MCC: variants seen among roughly 807,000 people sequenced by gnomAD.
MCC encodes the protein colorectal mutant cancer protein.
MCC carries 90 observed loss-of-function variants against 116.2 expected under a neutral mutation model. That is an observed-to-expected ratio of 0.77 (90% CI 0.65 to 0.92). The LOEUF (loss-of-function observed/expected upper bound fraction) is 0.92, where lower values mean the gene tolerates loss of function less well. MCC is among the 40% of genes least tolerant of loss of function. The probability of loss-of-function intolerance (pLI) is 0.00; values close to 1 mark genes in which losing one functional copy is unlikely to be tolerated. For missense variants in MCC, 1,516 were observed against 1,312.2 expected, an observed-to-expected ratio of 1.16 and a Z score of -2.40; for synonymous variants, 578 against 510.5, an observed-to-expected ratio of 1.13 and a Z score of -1.78.
In MCC at chr5:113,107,816, C is replaced by A. The variant is rs144239533; in HGVS notation, c.1028-3461G>T. Among the ~76,000 whole-genome samples the A allele has an allele frequency of 1.7e-3, 256 of 152,252 alleles. 1 individual carries two copies. Among genetic ancestry groups the A allele is most frequent in the African/African-American group, 5.9e-3 (246 of 41,538 alleles). On this transcript the variant is annotated intron_variant, in intron 6 of 18. Coordinates refer to ENST00000408903, the MANE Select transcript of MCC (RefSeq NM_001085377.2). Reference sequence around the variant, plus strand: ...TGCTGAGGGGCTCTCACAGCAGAGCCGGAGTGGTGGCAACAGGCTGCTTCC... The same window carrying A: ...TGCTGAGGGGCTCTCACAGCAGAGCAGGAGTGGTGGCAACAGGCTGCTTCC...
At chr5:113,475,357 T>C (rs552180637) in intron 1 of MCC, among the ~76,000 whole-genome samples, 1 of 152,350 alleles carries the variant, frequency 6.6e-6, no homozygotes, top group Non-Finnish European at 1.5e-5. Flanking sequence ...TATTAGTCAA[T>C]CTAGAAACTT....
At chr5:113,221,908 A>G (rs772326551) in intron 3 of MCC, among the ~76,000 whole-genome samples, 22 of 151,774 alleles carry the variant, frequency 1.4e-4, no homozygotes, top group Non-Finnish European at 2.1e-4. Context: ...TGCATGAATT[A>G]CTCTTTCTCT....
At chr5:113,077,456 C>G (rs187931447) in intron 11 of MCC, among the ~76,000 whole-genome samples, 1 of 152,196 alleles carries the variant, frequency 6.6e-6, no homozygotes, top group Admixed American at 6.5e-5. Context: ...AACAAACTGT[C>G]TCTCAGAACA....
intron 11 of MCC, among the ~76,000 whole-genome samples, chr5:113,075,608 C>A (rs919298074): frequency 3.9e-5 from 6 of 152,182 alleles, no homozygotes; most frequent in Admixed American, 2.0e-4. Context: ...CAGTCAGCAC[C>A]CTGTCAAAAC....
At chr5:113,148,985 C>A (rs1424510487) in intron 4 of MCC, among the ~76,000 whole-genome samples, 2 of 152,136 alleles carry the variant, frequency 1.3e-5, no homozygotes, top group Admixed American at 6.5e-5. Context: ...TTTCCATTAT[C>A]CTCTTACCAT....
chr5:113,239,766 A>G (rs1764292319), intron 3 of MCC, among the ~76,000 whole-genome samples: 1 of 152,152 alleles, frequency 6.6e-6, no homozygotes, highest in Non-Finnish European at 1.5e-5. Flanking sequence ...TTATATACAC[A>G]TTTCTCATTT....
At chr5:113,193,800 T>C (rs757472700) in intron 3 of MCC, among the ~76,000 whole-genome samples, 4 of 152,232 alleles carry the variant, frequency 2.6e-5, no homozygotes, top group Non-Finnish European at 4.4e-5. Flanking sequence ...CCTAAGTCTA[T>C]AGTCCAGCTG....
chr5:113,381,349 A>G (rs1340253063), intron 2 of MCC, among the ~76,000 whole-genome samples: 1 of 152,234 alleles, frequency 6.6e-6, no homozygotes, highest in Non-Finnish European at 1.5e-5. Flanking sequence ...CAGAATCAAA[A>G]GTTCTTTTTC....
chr5:113,440,514 T>C (rs777420096), intron 1 of MCC, among the ~76,000 whole-genome samples: 23 of 151,410 alleles, frequency 1.5e-4, no homozygotes, highest in Non-Finnish European at 2.7e-4. Context: ...GGATTCTCAA[T>C]GCACAATGCT....
intron 3 of MCC, among the ~76,000 whole-genome samples, chr5:113,288,820 T>C (rs1766363835): frequency 6.6e-6 from 1 of 152,176 alleles, no homozygotes; most frequent in African/African-American, 2.4e-5. Flanking sequence ...TTACAGTCTG[T>C]GTAGTTTCGA....
intron 3 of MCC, among the ~76,000 whole-genome samples, chr5:113,152,421 T>G (rs1446306643): frequency 1.3e-5 from 2 of 152,228 alleles, no homozygotes; most frequent in African/African-American, 2.4e-5. Context: ...ATCCCCTCAC[T>G]GAATTCCATA....
intron 1 of MCC, among the ~76,000 whole-genome samples, chr5:113,466,171 C>CTT (rs11400769): frequency 0.25 from 36,976 of 149,350 alleles, 5,854 homozygotes; most frequent in African/African-American, 0.43. Context: ...AGTAGCCATT[C>CTT]TTTTTTTTTT....
In MCC at chr5:113,434,910, T is replaced by G; in HGVS notation, c.171-49698A>C. ...CGAGGCGCATGGGCCAGCAGTGTGC[T>G]CATTTACATCCTGGATAGAGAGTCC... On this transcript the variant is annotated intron_variant, in intron 1 of 18. Coordinates refer to ENST00000408903, the MANE Select transcript of MCC (RefSeq NM_001085377.2). This position sits in a 1 kb window ranked among gnomAD's most constrained non-coding sequence, Gnocchi z 4.2. 6.6e-7 allele frequency: 1 copy of G among 1,525,968 alleles called. No homozygotes were observed. Among genetic ancestry groups the G allele is most frequent in the Admixed American group, 2.0e-5 (1 of 49,170 alleles). 94.5% of individuals were successfully genotyped at this position (1,525,968 alleles called of 1,614,324 possible).
chr5:113,474,954 T>G (rs889485708), intron 1 of MCC, among the ~76,000 whole-genome samples: 1 of 152,226 alleles, frequency 6.6e-6, no homozygotes. Flanking sequence ...AATATTTTGT[T>G]AAGCTTCTCA....
chr5:113,128,941 C>A (rs1376133585), intron 5 of MCC, among the ~76,000 whole-genome samples: 1 of 152,180 alleles, frequency 6.6e-6, no homozygotes, highest in African/African-American at 2.4e-5. Context: ...GTGATACCAA[C>A]AACACACAGG....
chr5:113,270,318 C>T (rs34275871), intron 3 of MCC, among the ~76,000 whole-genome samples: 1 of 152,080 alleles, frequency 6.6e-6, no homozygotes, highest in African/African-American at 2.4e-5. Flanking sequence ...GGGCTATATT[C>T]ACTAAAGCGT....
rs770660171 is a variant in MCC, at chr5:113,043,578, G to A, written c.2708C>T (p.Thr903Met). Residue 903 changes from threonine to methionine, a missense_variant, in exon 17 of 19, where the codon ACG becomes ATG. By Grantham distance (81) the Thr-to-Met change is moderately conservative. Coordinates refer to ENST00000408903, the MANE Select transcript of MCC (RefSeq NM_001085377.2). ...PALSLAELRT[T>M]CSENELAAEF... ...CGCAGCCAGCTCATTCTCGCTGCAC[G>A]TTGTCCTGAGTTCGGCTAGGGACAG... The A allele has an allele frequency of 5.0e-6, 8 of 1,613,978 alleles. No homozygotes were observed. Among genetic ancestry groups the A allele is most frequent in the Non-Finnish European group, 6.8e-6 (8 of 1,180,004 alleles).
rs1015769326 is a variant in MCC at position 113,043,537 on chromosome 5, T to C, written c.2749A>G (p.Ile917Val). The change falls in exon 17 of 19, where the codon ATT becomes GTT. Residue 917 changes from isoleucine (I) to valine (V), a missense_variant. Transcript: ENST00000408903. ...NELAAEFTNA[I>V]RREKKLKARV... ...TGGGGAAAGGGTGCTTACCGACGAA[T>C]GGCGTTGGTGAACTCCGCAGCCAGC... 1.9e-6 allele frequency: 3 copies of C among 1,613,898 alleles called. No homozygotes were observed. The highest frequency in any genetic ancestry group is 2.5e-6 in the Non-Finnish European group (3 of 1,179,916).
intron 3 of MCC, among the ~76,000 whole-genome samples, chr5:113,329,877 G>T (rs897407527): frequency 6.6e-6 from 1 of 152,136 alleles, no homozygotes; most frequent in Non-Finnish European, 1.5e-5. Context: ...AAGAGGGGCA[G>T]GAGAGGAAAA....
Sources: allele counts gnomAD v4.1 joint callset (sites outside exome capture counted in the v4.1 genomes callset), GRCh38; gene constraint gnomAD v4.1.1; non-coding constraint Gnocchi (gnomAD v3.1); transcripts MANE v1.5; gene names NCBI Gene and HGNC (gene_info 2026-07-23, HGNC 2026-07-21).